Variants in MYO5C observed in about 807,000 individuals in gnomAD.
The protein encoded by MYO5C is unconventional myosin-Vc.
Under a neutral mutation model 235.7 loss-of-function variants are expected in MYO5C, and 194 were observed. The observed-to-expected ratio is 0.82, with a 90% confidence interval of 0.73 to 0.93. The LOEUF (loss-of-function observed/expected upper bound fraction) is 0.93, where lower values mean the gene tolerates loss of function less well. MYO5C is among the 40% of genes least tolerant of loss of function. The probability of loss-of-function intolerance (pLI) is 0.00; values close to 1 mark genes in which losing one functional copy is unlikely to be tolerated. For synonymous variants in MYO5C, 707 were observed against 754.8 expected, an observed-to-expected ratio of 0.94 and a Z score of 1.04; for missense variants, 2,038 against 2,127.2, an observed-to-expected ratio of 0.96 and a Z score of 0.82.
rs760440733 is a variant in MYO5C at position 52,225,404 on chromosome 15, G to A, written c.3301+35C>T. On this transcript the variant is annotated intron_variant, in intron 26 of 40. Transcript: ENST00000261839. Reference sequence around the variant, plus strand: ...GACACAGCTATGATAAATTCAGTCTGCACCCATGGACTAAGAGACTCATAT... The same window carrying A: ...GACACAGCTATGATAAATTCAGTCTACACCCATGGACTAAGAGACTCATAT... 3.4e-6 allele frequency: 5 copies of A among 1,472,846 alleles called. No individual in the cohort carries two copies. The East Asian group carries it at 9.0e-5, about 27-fold the overall frequency. 91.2% of individuals were successfully genotyped at this position (1,472,846 alleles called of 1,614,324 possible).
At chr15:52,211,606 CTCAAACTTGTTTGAGGAA>C in intron 35 of MYO5C, 106 bp downstream of exon 35, 1 of 1,101,992 alleles carries the variant, frequency 9.1e-7, no homozygotes, top group South Asian at 1.5e-5. Flanking sequence ...CTAGTTGGGC[CTCAAACTTGTTTGAGGAA>C]TCATGTGGCT....
At chr15:52,273,122 C>G (rs544485349) in intron 5 of MYO5C, among the ~76,000 whole-genome samples, 2 of 152,084 alleles carry the variant, frequency 1.3e-5, no homozygotes, top group African/African-American at 4.8e-5. Flanking sequence ...AGTTTGAGAC[C>G]AGATGAGGCA....
intron 38 of MYO5C, among the ~76,000 whole-genome samples, chr15:52,199,776 A>C (rs1487024365): frequency 6.6e-6 from 1 of 152,168 alleles, no homozygotes; most frequent in Non-Finnish European, 1.5e-5. Flanking sequence ...AGAGAAGGGA[A>C]ACTTCCCTTC....
intron 38 of MYO5C, among the ~76,000 whole-genome samples, chr15:52,197,121 C>T (rs372974916): frequency 1.3e-5 from 2 of 152,208 alleles, no homozygotes; most frequent in African/African-American, 4.8e-5. Flanking sequence ...TATGACACAG[C>T]AATTCCACTC....
chr15:52,248,101 T>G (rs1448451001), intron 14 of MYO5C, among the ~76,000 whole-genome samples: 1 of 152,240 alleles, frequency 6.6e-6, no homozygotes, highest in Non-Finnish European at 1.5e-5. Flanking sequence ...GTTATTTCTT[T>G]AAATGTCTTA....
At chr15:52,264,439 T>C in intron 8 of MYO5C, 143 bp from the exon 9 acceptor site, 2 of 650,902 alleles carry the variant, frequency 3.1e-6, no homozygotes, top group Admixed American at 2.7e-5. Flanking sequence ...CAGGGGCATC[T>C]GGGGCACTGT....
intron 23 of MYO5C, 133 bp from the exon 24 acceptor site, chr15:52,232,818 T>G (rs1301962938): frequency 2.8e-6 from 2 of 708,758 alleles, no homozygotes; most frequent in Non-Finnish European, 2.4e-6. Flanking sequence ...ACAATGAGAG[T>G]ATAGCTCATT....
chr15:52,286,125 C>A (rs1566995512), intron 1 of MYO5C, among the ~76,000 whole-genome samples: 1 of 151,010 alleles, frequency 6.6e-6, no homozygotes, highest in Non-Finnish European at 1.5e-5. Context: ...GGCAGCCGCA[C>A]CCTCTGAGAA....
At chr15:52,286,803 A>C (rs1330781479) in intron 1 of MYO5C, among the ~76,000 whole-genome samples, 6 of 152,018 alleles carry the variant, frequency 3.9e-5, no homozygotes, top group Non-Finnish European at 2.9e-5. Flanking sequence ...ACAAACACTG[A>C]GGAAGGCCGC....
intron 40 of MYO5C, 51 bp from the exon 41 acceptor site, chr15:52,194,105 T>C (rs1229707780): frequency 2.5e-6 from 4 of 1,572,922 alleles, no homozygotes; most frequent in Non-Finnish European, 3.5e-6. Flanking sequence ...CATGTTCTGC[T>C]TTACTGCTAC....
At chr15:52,234,069 A>G (rs1387513752) in intron 23 of MYO5C, among the ~76,000 whole-genome samples, 1 of 152,172 alleles carries the variant, frequency 6.6e-6, no homozygotes, top group Admixed American at 6.5e-5. Context: ...GTTTTATATA[A>G]CCTCAATTTT....
intron 6 of MYO5C, 128 bp downstream of exon 6, chr15:52,272,452 G>T: frequency 2.3e-6 from 2 of 871,710 alleles, no homozygotes; most frequent in Non-Finnish European, 3.5e-6. Flanking sequence ...AATCCAAACT[G>T]CAAATGAAAG....
intron 31 of MYO5C, 120 bp downstream of exon 31, chr15:52,219,639 G>T: frequency 1.4e-6 from 1 of 726,344 alleles, no homozygotes. Flanking sequence ...ATGGCAATAT[G>T]TCATATATAT....
intron 1 of MYO5C, among the ~76,000 whole-genome samples, chr15:52,287,039 G>T (rs1348323876): frequency 6.6e-6 from 1 of 150,948 alleles, no homozygotes; most frequent in East Asian, 1.9e-4. Context: ...GGACAATGCT[G>T]GATGAGGAAC....
Position 52,229,139 on chromosome 15 carries a change from C to A in MYO5C, c.3201G>T (p.Gln1067His). 1 of 1,614,168 alleles carries A rather than the reference C, an allele frequency of 6.2e-7. No individual in the cohort carries two copies. The highest frequency in any genetic ancestry group is 1.1e-5 in the South Asian group (1 of 91,076). Residue 1067 changes from glutamine to histidine, a missense_variant, in exon 25 of 41, where the codon CAG (glutamine) becomes CAT (histidine). Transcript: ENST00000261839. ...AACGTGAGAGCCGCTCTACCTTGAC[C>A]TGCTTGCTCAGGCGGGCCACTTCCG... is the stretch of plus-strand genomic sequence containing the variant. ...LKAEVARLSK[Q>H]VKTISEFEKE...
intron 9 of MYO5C, 108 bp downstream of exon 9, chr15:52,264,082 C>A: frequency 1.3e-6 from 1 of 783,498 alleles, no homozygotes; most frequent in Non-Finnish European, 2.1e-6. Flanking sequence ...ACCAGTCTAC[C>A]CAGGAGGCCG....
chr15:52,284,439 G>A (rs953383508), intron 1 of MYO5C, among the ~76,000 whole-genome samples: 5 of 151,998 alleles, frequency 3.3e-5, no homozygotes, highest in Non-Finnish European at 7.4e-5. Context: ...GCCTCTGAGG[G>A]TGGGTGGGGC....
chr15:52,241,730 G>GTA (rs1491357378), intron 20 of MYO5C, among the ~76,000 whole-genome samples: 1 of 142,268 alleles, frequency 7.0e-6, no homozygotes, highest in Non-Finnish European at 1.5e-5. Flanking sequence ...AGTGCAACTG[G>GTA]TGTGTGTGTG....
chr15:52,259,382 T>C (rs1596202677), intron 10 of MYO5C, among the ~76,000 whole-genome samples: 1 of 141,660 alleles, frequency 7.1e-6, no homozygotes, highest in African/African-American at 2.7e-5. Context: ...ATGGTGCCAC[T>C]GCACTCCAGC....
Sources: gnomAD v4.1 joint callset for allele counts (sites outside exome capture counted in the v4.1 genomes callset) on GRCh38, gnomAD v4.1.1 for gene constraint, MANE v1.5 for transcripts, NCBI Gene and HGNC (gene_info 2026-07-23, HGNC 2026-07-21) for gene names.